The following KRT33A variants were observed in gnomAD, a reference collection of about 807,000 sequenced individuals.
KRT33A encodes the protein keratin, type I cuticular Ha3-I.
In KRT33A, 44 loss-of-function variants were observed where a neutral mutation model predicts 41.1. The observed-to-expected ratio is 1.07, with a 90% CI of 0.84 to 1.38. The LOEUF is 1.38. KRT33A is among the 40% of genes most tolerant of loss of function. The pLI is 0.00. For synonymous variants in KRT33A, 229 were observed against 227.8 expected (o/e 1.01, Z -0.05); for missense variants, 536 against 518.5 (o/e 1.03, Z -0.33).
intron 1 of KRT33A, among the ~76,000 whole-genome samples, chr17:41,350,155 G>C (rs1444678787): frequency 6.6e-6 from 1 of 152,132 alleles, no homozygotes; most frequent in Admixed American, 6.5e-5. Flanking sequence ...TCTGGAGCTT[G>C]GCAGGTGCAT....
Position 41,346,910 on chromosome 17 carries a change from C to A in KRT33A, c.810G>T (p.Ala270=). Reference sequence around the variant, plus strand: ...CCGTGCGTCTCAGCTCGATGATCTCCGCCTGGTAGGACTGCAGCTGCTCCG... The same window carrying A: ...CCGTGCGTCTCAGCTCGATGATCTCAGCCTGGTAGGACTGCAGCTGCTCCG... ...SSSEQLQSYQ[A]EIIELRRTVN... Residue 270 remains alanine, a synonymous_variant, in exon 5 of 7, where the codon GCG becomes GCT. Coordinates refer to ENST00000007735, the MANE Select transcript of KRT33A (RefSeq NM_004138.4). 1.2e-6 allele frequency: 2 copies of A among 1,613,332 alleles called. No homozygotes were observed. The highest frequency in any genetic ancestry group is 1.7e-6 in the Non-Finnish European group (2 of 1,180,032).
chr17:41,349,479 C>T, intron 1 of KRT33A, 51 bp from the exon 2 acceptor site: 3 of 1,583,966 alleles, frequency 1.9e-6, no homozygotes, highest in Non-Finnish European at 1.7e-6. Flanking sequence ...TAATTTTTCA[C>T]CAATGGCAGT....
At chr17:41,347,509 T>C (rs2017443582) in intron 3 of KRT33A, among the ~76,000 whole-genome samples, 1 of 152,278 alleles carries the variant, frequency 6.6e-6, no homozygotes, top group African/African-American at 2.4e-5. Context: ...GGCCATTATT[T>C]AAACTCTGGT....
At position 41,350,420 on chromosome 17, in the gene KRT33A, C is replaced by G. The variant is rs758792208; in HGVS notation, c.348G>C (p.Lys116Asn). Reference sequence around the variant, plus strand: ...AGGCACTGTGTCGCCCACTCCTCACCTTCTGCTGGAGCTCCTCAATGGTCT... The same window carrying G: ...AGGCACTGTGTCGCCCACTCCTCACGTTCTGCTGGAGCTCCTCAATGGTCT... ...YFKTIEELQQKILCSKSENAR... is the reference protein window; with the variant it reads ...YFKTIEELQQNILCSKSENAR... Residue 116 changes from lysine to asparagine, a missense_variant and splice_region_variant, in exon 1 of 7, where the codon AAG becomes AAC. Physicochemically the swap from Lys to Asn is moderately conservative, Grantham distance 94 (BLOSUM62 0). Coordinates refer to ENST00000007735, the MANE Select transcript of KRT33A (RefSeq NM_004138.4). The G allele has an allele frequency of 2.5e-6, 4 of 1,613,084 alleles. No individual in the cohort carries two copies. The highest frequency in any genetic ancestry group is 1.7e-5 in the Admixed American group (1 of 59,976).
chr17:41,350,270 T>G, intron 1 of KRT33A, 150 bp downstream of exon 1: 1 of 833,130 alleles, frequency 1.2e-6, no homozygotes, highest in Non-Finnish European at 1.9e-6. Flanking sequence ...CAGTCCCAAG[T>G]CTAGTATTAG....
chr17:41,346,328 C>T, intron 6 of KRT33A, 92 bp from the exon 7 acceptor site: 2 of 1,570,698 alleles, frequency 1.3e-6, no homozygotes, highest in South Asian at 2.2e-5. Context: ...AATATTGTTC[C>T]TCCTTGGACT....
Position 41,348,512 on chromosome 17 carries a change from G to GCTC in KRT33A, c.556_558dup (p.Glu186dup). 1 of 1,614,050 alleles carries GCTC rather than the reference G, an allele frequency of 6.2e-7. No individual in the cohort carries two copies. The highest frequency in any genetic ancestry group is 1.1e-5 in the South Asian group (1 of 91,076). Reference sequence around the variant, plus strand: ...TCATGGTTCTGCTTGAGGCACAGCAGCTCCTCCTTCAGGGACTCCACCTGG... The same window carrying GCTC: ...TCATGGTTCTGCTTGAGGCACAGCAGCTCCTCCTCCTTCAGGGACTCCACCTGG... On this transcript the variant is annotated inframe_insertion, in exon 3 of 7. Transcript: ENST00000007735.
rs1322525178 is a variant in KRT33A, at chr17:41,350,631, C to G, written c.137G>C (p.Trp46Ser). ...GCCATTGAAGGAGCCCTCACAGAAC[C>G]AGTTGCAGTTGCTCACATTGGCGGG... is the stretch of plus-strand genomic sequence containing the variant. ...NIPANVSNCN[W>S]FCEGSFNGSE... The change falls in exon 1 of 7, where the codon TGG (tryptophan) becomes TCG (serine). Residue 46 changes from tryptophan (W) to serine (S), a missense_variant. Coordinates refer to ENST00000007735, the MANE Select transcript of KRT33A (RefSeq NM_004138.4). The G allele has an allele frequency of 6.2e-7, 1 of 1,612,448 alleles. No individual in the cohort carries two copies. The highest frequency in any genetic ancestry group is 8.5e-7 in the Non-Finnish European group (1 of 1,180,056).
rs141830520 is a variant in KRT33A at position 41,350,761 on chromosome 17, A to T, written c.7T>A (p.Tyr3Asn). MS[Y>N]SCGLPSLSCR... ...CTCAGGCTGGGCAGGCCACAACTGT[A>T]AGACATGGTGCAGGGAGGGAGTGTC... Residue 3 changes from tyrosine to asparagine, a missense_variant, in exon 1 of 7, where the codon TAC (tyrosine) becomes AAC (asparagine). Tyr to Asn is a moderately radical substitution (Grantham distance 143). Coordinates refer to ENST00000007735, the MANE Select transcript of KRT33A (RefSeq NM_004138.4). 1 of 1,611,144 alleles carries T rather than the reference A, an allele frequency of 6.2e-7. No individual in the cohort carries two copies. The highest frequency in any genetic ancestry group is 1.7e-5 in the Admixed American group (1 of 59,796).
In KRT33A at chr17:41,350,400, C is replaced by A. The variant is rs1188671327; in HGVS notation, c.348+20G>T. ...TCCCGACAACTTCCTACTGGAGGCA[C>A]TGTGTCGCCCACTCCTCACCTTCTG... On this transcript the variant is annotated intron_variant, in intron 1 of 6. Coordinates refer to ENST00000007735, the MANE Select transcript of KRT33A (RefSeq NM_004138.4). 1.9e-6 allele frequency: 3 copies of A among 1,607,438 alleles called. No homozygotes were observed. Among genetic ancestry groups the A allele is most frequent in the South Asian group, 1.1e-5 (1 of 90,832 alleles).
At chr17:41,349,209 G>A in intron 2 of KRT33A, 137 bp downstream of exon 2, 1 of 780,692 alleles carries the variant, frequency 1.3e-6, no homozygotes. Context: ...GGTGTGTGGT[G>A]GCTCTGTGAA....
chr17:41,350,584 A>G lies in KRT33A; in HGVS notation c.184T>C (p.Phe62Leu). The change falls in exon 1 of 7, where the codon TTC becomes CTC. Residue 62 changes from phenylalanine to leucine, a missense_variant. Phe to Leu is a conservative substitution (Grantham distance 22). Coordinates refer to ENST00000007735, the MANE Select transcript of KRT33A (RefSeq NM_004138.4). ...FNGSEKETMQ[F>L]LNDRLASYLE... ...TAGCTGGCCAGGCGGTCGTTCAGGA[A>G]CTGCATGGTCTCCTTCTCACTGCCA... The G allele has an allele frequency of 6.2e-7, 1 of 1,613,642 alleles. No individual in the cohort carries two copies. Among genetic ancestry groups the G allele is most frequent in the Middle Eastern group, 1.7e-4 (1 of 5,898 alleles).
intron 2 of KRT33A, among the ~76,000 whole-genome samples, 165 bp from the exon 3 acceptor site, chr17:41,348,804 A>C (rs896327576): frequency 2.0e-5 from 3 of 152,048 alleles, no homozygotes; most frequent in Non-Finnish European, 4.4e-5. Flanking sequence ...TGCACTGGTA[A>C]TTTTACGTTT....
chr17:41,348,820 T>G (rs1375805174), intron 2 of KRT33A, among the ~76,000 whole-genome samples, 181 bp from the exon 3 acceptor site: 1 of 152,098 alleles, frequency 6.6e-6, no homozygotes, highest in Non-Finnish European at 1.5e-5. Context: ...CGTTTAAAGA[T>G]CCAGTGGATA....
intron 2 of KRT33A, 52 bp downstream of exon 2, chr17:41,349,294 G>A: frequency 1.9e-6 from 3 of 1,564,148 alleles, no homozygotes; most frequent in Non-Finnish European, 2.6e-6. Flanking sequence ...TAAAGGAAAG[G>A]AGGGCTGCCA....
chr17:41,350,296 A>G (rs998525402), intron 1 of KRT33A, 124 bp downstream of exon 1: 4 of 1,206,350 alleles, frequency 3.3e-6, no homozygotes, highest in Non-Finnish European at 4.6e-6. Flanking sequence ...CCCTCAAAAA[A>G]CAAAATGGAA....
At position 41,348,600 on chromosome 17, in the gene KRT33A, C is replaced by T. The variant is rs749791966; in HGVS notation, c.471G>A (p.Ser157=). Residue 157 remains serine, a synonymous_variant, in exon 3 of 7, where the codon TCG becomes TCA. Coordinates refer to ENST00000007735, the MANE Select transcript of KRT33A (RefSeq NM_004138.4). ...TELSLRQLVE[S]DINGLRRILD... is the part of the protein sequence containing the mutation. ...GGATCCTGCGCAGGCCATTGATGTC[C>T]GACTCCACCAGCTGCCGCAGGGACA... 44 of 1,613,940 alleles carry T rather than the reference C, an allele frequency of 2.7e-5. No individual in the cohort carries two copies. In the Admixed American group the frequency reaches 3.2e-4, roughly 12 times the overall value.
chr17:41,348,872 G>C (rs1030380167), intron 2 of KRT33A, among the ~76,000 whole-genome samples: 6 of 152,070 alleles, frequency 3.9e-5, no homozygotes, highest in Non-Finnish European at 7.4e-5. Context: ...AAGGGGAGAG[G>C]GTTGCTTGAG....
In KRT33A at chr17:41,347,162, G is replaced by A. The variant is rs770873567; in HGVS notation, c.649C>T (p.Pro217Ser). ...AGGACCTGGTTCAGGTCCACAGTGG[G>A]AGCAGCGTCCACCTCCACGTTGAGG... ...DRLNVEVDAA[P>S]TVDLNQVLNE... Residue 217 changes from proline (P) to serine (S), a missense_variant, in exon 4 of 7, where the codon CCC becomes TCC. Physicochemically the swap from Pro to Ser is moderately conservative, Grantham distance 74. Coordinates refer to ENST00000007735, the MANE Select transcript of KRT33A (RefSeq NM_004138.4). 30 of 1,614,108 alleles carry A rather than the reference G, an allele frequency of 1.9e-5. No homozygotes were observed. The South Asian group carries it at 2.4e-4, about 13-fold the overall frequency.
Sources: gnomAD v4.1 joint callset for allele counts (sites outside exome capture counted in the v4.1 genomes callset) on GRCh38, gnomAD v4.1.1 for gene constraint, MANE v1.5 for transcripts, NCBI Gene and HGNC (gene_info 2026-07-23, HGNC 2026-07-21) for gene names.